The following FER1L6 variants were observed in gnomAD, a reference collection of about 807,000 sequenced individuals.
The protein encoded by FER1L6 is fer-1 like family member 6.
In FER1L6, 177 loss-of-function variants were observed where a neutral mutation model predicts 219.2. That is an observed-to-expected ratio of 0.81 (90% confidence interval 0.71 to 0.91). The LOEUF (loss-of-function observed/expected upper bound fraction) is 0.91. FER1L6 is among the 40% of genes least tolerant of loss of function. The pLI is 0.00. For synonymous variants in FER1L6, 768 were observed against 824.3 expected (o/e 0.93, Z 1.17); for missense variants, 2,153 against 2,259.9 (o/e 0.95, Z 0.96).
At chr8:123,912,147 C>G (rs182988621) in intron 1 of FER1L6, among the ~76,000 whole-genome samples, 310 of 152,160 alleles carry the variant, frequency 2.0e-3, no homozygotes, top group South Asian at 4.4e-3. Flanking sequence ...CAGCAGCCAG[C>G]CTTTATGAAA....
chr8:123,866,870 C>T (rs1816847343), intron 1 of FER1L6, among the ~76,000 whole-genome samples: 2 of 152,228 alleles, frequency 1.3e-5, no homozygotes, highest in South Asian at 4.1e-4. Flanking sequence ...CCTCTGGCCT[C>T]AGCCTCCCAA....
chr8:123,886,371 C>T (rs1419077490), intron 1 of FER1L6, among the ~76,000 whole-genome samples: 1 of 152,156 alleles, frequency 6.6e-6, no homozygotes, highest in African/African-American at 2.4e-5. Flanking sequence ...TTCTTGCTCT[C>T]ACAAGAGTGG....
intron 25 of FER1L6, among the ~76,000 whole-genome samples, chr8:124,063,777 C>T (rs2130839991): frequency 6.6e-6 from 1 of 152,290 alleles, no homozygotes; most frequent in East Asian, 1.9e-4. Context: ...GGAAATGTTC[C>T]TGAGTGCTGA....
At chr8:124,086,061 T>A (rs956424520) in intron 33 of FER1L6, among the ~76,000 whole-genome samples, 4 of 152,220 alleles carry the variant, frequency 2.6e-5, no homozygotes, top group Non-Finnish European at 4.4e-5. Context: ...GCATGTTAGA[T>A]CTTTTTTAAT....
intron 1 of FER1L6, among the ~76,000 whole-genome samples, chr8:123,917,003 G>C (rs144206793): frequency 2.0e-5 from 3 of 152,130 alleles, no homozygotes; most frequent in African/African-American, 7.2e-5. Context: ...GGGACATTTT[G>C]GATAAAAGAG....
At chr8:123,926,639 C>A (rs900344317) in intron 1 of FER1L6, among the ~76,000 whole-genome samples, 19 of 152,220 alleles carry the variant, frequency 1.2e-4, no homozygotes, top group Non-Finnish European at 2.5e-4. Context: ...AAGGCAATGG[C>A]ACAGAATATA....
At chr8:124,018,471 A>G (rs1238017768) in intron 16 of FER1L6, among the ~76,000 whole-genome samples, 2 of 152,190 alleles carry the variant, frequency 1.3e-5, no homozygotes, top group Non-Finnish European at 2.9e-5. Flanking sequence ...TTCGTCCCAG[A>G]ATGCTTCTTT....
At chr8:123,880,026 A>G (rs1328492319) in intron 1 of FER1L6, among the ~76,000 whole-genome samples, 1 of 152,190 alleles carries the variant, frequency 6.6e-6, no homozygotes, top group Non-Finnish European at 1.5e-5. Context: ...TAAGAGAATT[A>G]CAACACAGCT....
At chr8:124,056,422 C>G (rs1051577774) in intron 22 of FER1L6, among the ~76,000 whole-genome samples, 2 of 152,218 alleles carry the variant, frequency 1.3e-5, no homozygotes, top group Non-Finnish European at 2.9e-5. Context: ...GACTCTTTCT[C>G]TTACCATCAT....
chr8:124,015,805 A>C (rs1818176982), intron 15 of FER1L6: 1 of 152,282 alleles, frequency 6.6e-6, no homozygotes, highest in Non-Finnish European at 1.5e-5. Context: ...AACTGAAAAA[A>C]ATATTAGGAT....
rs1482691966 is a variant in FER1L6 at position 123,984,029 on chromosome 8, GC to G, written c.1411-2037del. The G allele has an allele frequency of 4.6e-5, 7 of 152,188 alleles. No individual in the cohort carries two copies. The East Asian group carries it at 1.3e-3, about 29-fold the overall frequency. 9.4% of individuals were successfully genotyped at this position (152,188 alleles called of 1,614,324 possible). A position where few individuals can be genotyped will look rare whatever the true frequency, so the allele number is the denominator to read the frequency against. On this transcript the variant is annotated intron_variant, in intron 11 of 40. Transcript: ENST00000522917. ...TATCATCATTTTAGCAGCTTGAGGA[GC>G]CAAGATGTGCTTCCAGAATGGAAAG...
intron 6 of FER1L6, among the ~76,000 whole-genome samples, chr8:123,971,821 C>T (rs953342133): frequency 2.6e-5 from 4 of 152,198 alleles, no homozygotes; most frequent in Non-Finnish European, 5.9e-5. Context: ...ACAGTCTTCC[C>T]TTCTCAGTGG....
chr8:124,099,018 G>T (rs1013810779), intron 37 of FER1L6, among the ~76,000 whole-genome samples: 1 of 152,146 alleles, frequency 6.6e-6, no homozygotes, highest in South Asian at 2.1e-4. Flanking sequence ...ACACCTTCTT[G>T]CCTTAACTTC....
intron 1 of FER1L6, among the ~76,000 whole-genome samples, chr8:123,946,844 C>G (rs1814514203): frequency 6.6e-6 from 1 of 152,090 alleles, no homozygotes; most frequent in Non-Finnish European, 1.5e-5. Flanking sequence ...TCTAGTCATT[C>G]TGCACAAAGA....
At chr8:124,018,160 T>C (rs1818284362) in intron 16 of FER1L6, among the ~76,000 whole-genome samples, 1 of 152,222 alleles carries the variant, frequency 6.6e-6, no homozygotes, top group South Asian at 2.1e-4. Flanking sequence ...GGAACCTGCA[T>C]GTGCTAGGTG....
chr8:124,063,423 C>CT, intron 25 of FER1L6, among the ~76,000 whole-genome samples: 1 of 152,280 alleles, frequency 6.6e-6, no homozygotes, highest in South Asian at 2.1e-4. Flanking sequence ...ATAGTTTTAG[C>CT]TTTCTCATTT....
chr8:124,049,860 G>A (rs1819925478), intron 22 of FER1L6, 104 bp downstream of exon 22: 3 of 1,165,148 alleles, frequency 2.6e-6, no homozygotes, highest in East Asian at 4.7e-5. Context: ...ATCCCTCGCT[G>A]CAATCCCACA....
At chr8:123,947,694 A>G (rs1209355753) in intron 1 of FER1L6, among the ~76,000 whole-genome samples, 1 of 152,230 alleles carries the variant, frequency 6.6e-6, no homozygotes, top group African/African-American at 2.4e-5. Context: ...AAACCTCAGC[A>G]TCTAATAAAG....
At chr8:124,093,209 G>T (rs1311572135) in intron 34 of FER1L6, among the ~76,000 whole-genome samples, 1 of 152,008 alleles carries the variant, frequency 6.6e-6, no homozygotes. Flanking sequence ...CCATCTGTGA[G>T]AAACTGCCCC....
Sources: allele counts gnomAD v4.1 joint callset (sites outside exome capture counted in the v4.1 genomes callset), GRCh38; gene constraint gnomAD v4.1.1; transcripts MANE v1.5; gene names NCBI Gene and HGNC (gene_info 2026-07-23, HGNC 2026-07-21).